TAF4B: variants seen among roughly 807,000 people sequenced by gnomAD.
TAF4B encodes TATA-box binding protein associated factor 4b.
A neutral mutation model predicts 86.4 loss-of-function variants in TAF4B; 38 were observed. The ratio of observed to expected loss-of-function variants is 0.44; its 90% CI spans 0.34 to 0.58. The LOEUF is 0.58. TAF4B is among the 20% of genes least tolerant of loss of function. The pLI, the probability that TAF4B is intolerant of heterozygous loss-of-function variation, is 0.02. For missense variants in TAF4B, 988 were observed against 1,027.6 expected, an observed-to-expected ratio of 0.96 and a Z score of 0.53; for synonymous variants, 388 against 391.2, an observed-to-expected ratio of 0.99 and a Z score of 0.10.
chr18:26,316,848 T>C (rs971853597), intron 10 of TAF4B, among the ~76,000 whole-genome samples: 4 of 152,216 alleles, frequency 2.6e-5, no homozygotes, highest in Admixed American at 6.5e-5. Context: ...TTTTTGCATA[T>C]GTATTTTGTA....
intron 9 of TAF4B, among the ~76,000 whole-genome samples, chr18:26,295,603 C>T (rs2056653478): frequency 6.6e-6 from 1 of 152,174 alleles, no homozygotes; most frequent in Admixed American, 6.5e-5. Context: ...CTGTGCAGTC[C>T]AGGTTCTAAC....
intron 7 of TAF4B, among the ~76,000 whole-genome samples, chr18:26,290,953 C>T (rs1263441479): frequency 6.6e-6 from 1 of 152,166 alleles, no homozygotes; most frequent in Non-Finnish European, 1.5e-5. Context: ...ATCTCAGCTT[C>T]ATTGAAATGT....
intron 1 of TAF4B, among the ~76,000 whole-genome samples, chr18:26,258,252 C>CA (rs560676496): frequency 0.11 from 12,715 of 112,614 alleles, 1,069 homozygotes; most frequent in African/African-American, 0.26. Flanking sequence ...GACTCCATCT[C>CA]AAAAAAAAAA....
chr18:26,339,582 CT>C (rs78938526), intron 13 of TAF4B, among the ~76,000 whole-genome samples: 11,486 of 152,132 alleles, frequency 0.076, 532 homozygotes, highest in Non-Finnish European at 0.1. Context: ...CTGCCTCAGC[CT>C]CCATAAGTTC....
intron 13 of TAF4B, among the ~76,000 whole-genome samples, chr18:26,346,747 A>G (rs1354866029): frequency 1.8e-5 from 1 of 54,452 alleles, no homozygotes; most frequent in African/African-American, 6.7e-5. Flanking sequence ...GAATATATAT[A>G]TATATATGTG....
intron 14 of TAF4B, among the ~76,000 whole-genome samples, chr18:26,389,329 T>C (rs1978567989): frequency 6.6e-6 from 1 of 152,202 alleles, no homozygotes; most frequent in Non-Finnish European, 1.5e-5. Flanking sequence ...ATGGGAACCA[T>C]TGAAGATTTT....
intron 13 of TAF4B, among the ~76,000 whole-genome samples, chr18:26,335,524 T>C (rs964960700): frequency 6.6e-6 from 1 of 152,230 alleles, no homozygotes; most frequent in African/African-American, 2.4e-5. Context: ...AAGAAACTTT[T>C]GAGATTTAGC....
At chr18:26,346,759 G>GTGTGTGTATATATA (rs1202008455) in intron 13 of TAF4B, among the ~76,000 whole-genome samples, 1 of 27,112 alleles carries the variant, frequency 3.7e-5, no homozygotes, top group African/African-American at 9.3e-5. Flanking sequence ...ATATATGTGT[G>GTGTGTGTATATATA]TATATATATA....
chr18:26,315,633 G>A (rs1414429246), intron 10 of TAF4B, among the ~76,000 whole-genome samples: 1 of 152,040 alleles, frequency 6.6e-6, no homozygotes. Flanking sequence ...TGGAGGAATA[G>A]TGGAATATAT....
In TAF4B at chr18:26,278,117, T is replaced by C. The variant is rs543946824; in HGVS notation, c.882+3064T>C. ...TAAAAATGGAAAAAAGTGGCTAGTT[T>C]AGCGACTCAATTACAGTGCTTTTCC... On this transcript the variant is annotated intron_variant, in intron 5 of 14. Coordinates refer to ENST00000269142, the MANE Select transcript of TAF4B (RefSeq NM_005640.3). 4.0e-4 allele frequency among the ~76,000 whole-genome samples: 61 copies of C among 152,334 alleles called. 1 individual carries two copies. Among genetic ancestry groups the C allele is most frequent in the Middle Eastern group, 3.4e-3 (1 of 294 alleles).
chr18:26,291,565 G>T (rs2056593309), intron 7 of TAF4B, among the ~76,000 whole-genome samples: 3 of 151,808 alleles, frequency 2.0e-5, no homozygotes, highest in Admixed American at 2.0e-4. Flanking sequence ...AAATTAGCCA[G>T]GCCTGGTGGT....
intron 6 of TAF4B, among the ~76,000 whole-genome samples, chr18:26,284,979 T>A (rs1031681781): frequency 1.8e-4 from 27 of 152,046 alleles, no homozygotes; most frequent in African/African-American, 6.3e-4. Flanking sequence ...TTAAAAAAAT[T>A]TTTTTTGAGA....
chr18:26,346,873 A>ATATGTGTGTG (rs1555623695), intron 13 of TAF4B, among the ~76,000 whole-genome samples: 2 of 12,300 alleles, frequency 1.6e-4, no homozygotes, highest in Admixed American at 1.0e-3. Flanking sequence ...ATATATATAT[A>ATATGTGTGTG]TGTGTATATA....
intron 1 of TAF4B, among the ~76,000 whole-genome samples, chr18:26,229,484 T>A (rs569435487): frequency 7.7e-6 from 1 of 129,590 alleles, no homozygotes; most frequent in African/African-American, 2.9e-5. Flanking sequence ...TTTTATATCT[T>A]TCTTTCTTTC....
intron 14 of TAF4B, among the ~76,000 whole-genome samples, chr18:26,375,206 A>G (rs967104200): frequency 1.8e-4 from 28 of 151,760 alleles, no homozygotes; most frequent in Admixed American, 1.4e-3. Context: ...TTCACTGAGC[A>G]TAATGTTTTC....
intron 14 of TAF4B, among the ~76,000 whole-genome samples, chr18:26,384,424 G>A (rs961011320): frequency 6.6e-6 from 1 of 152,170 alleles, no homozygotes; most frequent in South Asian, 2.1e-4. Flanking sequence ...AATTTGAGGG[G>A]TGTAAGAAAA....
chr18:26,339,828 T>C (rs887867070), intron 13 of TAF4B, among the ~76,000 whole-genome samples: 1 of 152,238 alleles, frequency 6.6e-6, no homozygotes, highest in Non-Finnish European at 1.5e-5. Context: ...GTTGAAACAT[T>C]CTGATTTGAT....
intron 13 of TAF4B, among the ~76,000 whole-genome samples, chr18:26,345,406 A>G (rs1296658286): frequency 1.3e-5 from 2 of 152,174 alleles, no homozygotes; most frequent in African/African-American, 2.4e-5. Flanking sequence ...AACCCTGTGT[A>G]TGTCCTCCTG....
rs1301394409 is a variant in TAF4B at position 26,391,080 on chromosome 18, G to A, written c.*1068G>A. On this transcript the variant is annotated 3_prime_UTR_variant, in exon 15 of 15. Coordinates refer to ENST00000269142, the MANE Select transcript of TAF4B (RefSeq NM_005640.3). Reference sequence around the variant, plus strand: ...GATGATGAGAAATTTTTAACAATAGGACTTTATGTTGGATTCTGTACTTAA... The same window carrying A: ...GATGATGAGAAATTTTTAACAATAGAACTTTATGTTGGATTCTGTACTTAA... 3.9e-5 allele frequency: 6 copies of A among 151,938 alleles called. No homozygotes were observed. Among genetic ancestry groups the A allele is most frequent in the Non-Finnish European group, 8.8e-5 (6 of 67,988 alleles). The allele number at this position is 151,938 out of a possible 1,614,324, so 9.4% of individuals were successfully genotyped here. A position where few individuals can be genotyped will look rare whatever the true frequency, so the allele number is the denominator to read the frequency against.
Sources: allele counts gnomAD v4.1 joint callset (sites outside exome capture counted in the v4.1 genomes callset), GRCh38; gene constraint gnomAD v4.1.1; transcripts MANE v1.5; gene names NCBI Gene and HGNC (gene_info 2026-07-23, HGNC 2026-07-21).